TTC3: variants seen among roughly 807,000 people sequenced by gnomAD.
TTC3 encodes the protein tetratricopeptide repeat domain 3, also known as E3 ubiquitin-protein ligase TTC3.
In TTC3, 180 loss-of-function variants were observed where a neutral mutation model predicts 249.6. That is an observed-to-expected ratio of 0.72 (90% CI 0.64 to 0.82). The LOEUF is 0.82. Ranked by LOEUF, TTC3 falls within the 40% of genes least tolerant of loss-of-function variation. The probability of loss-of-function intolerance (pLI) is 0.00; values close to 1 mark genes in which losing one functional copy is unlikely to be tolerated. For missense variants in TTC3, 2,061 were observed against 2,398.4 expected, an observed-to-expected ratio of 0.86 and a Z score of 2.94; for synonymous variants, 717 against 805.0, an observed-to-expected ratio of 0.89 and a Z score of 1.85.
intron 1 of TTC3, among the ~76,000 whole-genome samples, chr21:37,081,323 G>A (rs1468109601): frequency 6.6e-6 from 1 of 151,836 alleles, no homozygotes; most frequent in Non-Finnish European, 1.5e-5. Context: ...TCACCATGTT[G>A]GCCAGGATGG....
intron 1 of TTC3, among the ~76,000 whole-genome samples, chr21:37,078,017 G>A (rs61701101): frequency 0.46 from 69,323 of 151,908 alleles, 16,336 homozygotes; most frequent in Non-Finnish European, 0.52. Flanking sequence ...TGATTTTTGT[G>A]TATGTTCTGA....
In TTC3 at chr21:37,132,691, A is replaced by G. The variant is rs745446912; in HGVS notation, c.1368A>G (p.Ser456=). The change falls in exon 17 of 46, where the codon TCA becomes TCG. Residue 456 remains serine, a synonymous_variant. Transcript: ENST00000355666. ...GCTTTTTTTCTTTTAGTTCTAGTTC[A>G]CCATTGACTTTACCAGCAGATTTGA... 10 of 1,598,636 alleles carry G rather than the reference A, an allele frequency of 6.3e-6. No homozygotes were observed. The Admixed American group carries it at 1.7e-4, about 28-fold the overall frequency.
chr21:37,139,378 T>C (rs1005140313), intron 19 of TTC3, among the ~76,000 whole-genome samples: 7 of 152,192 alleles, frequency 4.6e-5, no homozygotes, highest in Non-Finnish European at 4.4e-5. Flanking sequence ...TCTCCTGGAA[T>C]GTTTACCTAC....
intron 26 of TTC3, 60 bp from the exon 27 acceptor site, chr21:37,152,891 A>G (rs923448651): frequency 4.3e-5 from 57 of 1,331,650 alleles, no homozygotes; most frequent in Non-Finnish European, 5.4e-5. Context: ...GTTATTTCTA[A>G]GTTTATGTAA....
At chr21:37,081,809 T>G (rs2071704235) in intron 1 of TTC3, 1 of 152,056 alleles carries the variant, frequency 6.6e-6, no homozygotes, top group Non-Finnish European at 1.5e-5. Context: ...GTGCCTAATA[T>G]CCTCTGTAAC....
rs372658034 is a variant in TTC3 at position 37,090,199 on chromosome 21, T to C, written c.427-34T>C. 14 of 1,534,494 alleles carry C rather than the reference T, an allele frequency of 9.1e-6. No individual in the cohort carries two copies. In the African/African-American group the frequency reaches 1.8e-4, roughly 20 times the overall value. ...GAAAATTCAAGTAGAATTGACTGAA[T>C]AAGGAAAAAATATGTCCTTTTTTTA... On this transcript the variant is annotated intron_variant, in intron 5 of 45. Transcript: ENST00000355666.
chr21:37,100,101 G>A (rs892231962), intron 10 of TTC3, among the ~76,000 whole-genome samples: 2 of 152,126 alleles, frequency 1.3e-5, no homozygotes, highest in Non-Finnish European at 2.9e-5. Flanking sequence ...TTAAACACCC[G>A]GGGAGTGGCT....
intron 39 of TTC3, among the ~76,000 whole-genome samples, chr21:37,189,207 A>G (rs1180515919): frequency 6.6e-6 from 1 of 152,104 alleles, no homozygotes; most frequent in Non-Finnish European, 1.5e-5. Flanking sequence ...ATATTCACAC[A>G]TGTTAATTTT....
intron 36 of TTC3, among the ~76,000 whole-genome samples, chr21:37,184,426 A>T (rs2083038841): frequency 6.6e-6 from 1 of 151,770 alleles, no homozygotes; most frequent in Non-Finnish European, 1.5e-5. Context: ...GTCACAATTT[A>T]AAGATAAGCC....
At chr21:37,088,664 C>T (rs1010197551) in intron 4 of TTC3, 135 bp from the exon 5 acceptor site, 4 of 784,392 alleles carry the variant, frequency 5.1e-6, no homozygotes, top group Non-Finnish European at 7.9e-6. Context: ...TAATAAATAG[C>T]TTAGTTATTG....
At chr21:37,088,735 A>G in intron 4 of TTC3, 64 bp from the exon 5 acceptor site, 1 of 1,445,118 alleles carries the variant, frequency 6.9e-7, no homozygotes, top group Non-Finnish European at 9.5e-7. Flanking sequence ...ATAGCTAAGC[A>G]TAAAGTTCAA....
chr21:37,100,809 T>C (rs910296046), intron 10 of TTC3: 1 of 152,244 alleles, frequency 6.6e-6, no homozygotes, highest in Non-Finnish European at 1.5e-5. Context: ...CGTTTTATTC[T>C]GCTCCTTCTC....
chr21:37,137,728 G>A (rs543734557), intron 18 of TTC3, among the ~76,000 whole-genome samples: 22 of 152,256 alleles, frequency 1.4e-4, no homozygotes, highest in South Asian at 8.3e-4. Flanking sequence ...GTAAAATACT[G>A]TCAAACAGCA....
chr21:37,085,301 T>C (rs1190377855), intron 1 of TTC3, among the ~76,000 whole-genome samples: 11 of 152,230 alleles, frequency 7.2e-5, no homozygotes, highest in Non-Finnish European at 1.5e-4. Flanking sequence ...CTGGTCATTG[T>C]TCACTTTTAG....
chr21:37,156,511 C>T (rs1043279041), intron 27 of TTC3, 144 bp from the exon 28 acceptor site: 9 of 971,626 alleles, frequency 9.3e-6, no homozygotes, highest in Middle Eastern at 3.1e-4. Flanking sequence ...ATAGCTTGAA[C>T]GAATCTGTTC....
intron 7 of TTC3, among the ~76,000 whole-genome samples, chr21:37,092,509 G>T (rs1464374204): frequency 6.6e-6 from 1 of 152,156 alleles, no homozygotes. Context: ...TAATAGCTCT[G>T]CAAGGTGGCT....
intron 33 of TTC3, among the ~76,000 whole-genome samples, chr21:37,167,143 C>G (rs553969164): frequency 2.6e-5 from 4 of 152,228 alleles, no homozygotes; most frequent in Non-Finnish European, 4.4e-5. Flanking sequence ...CCCAGCTTCT[C>G]CTGTCAAACC....
At chr21:37,179,160 G>A (rs568102798) in intron 35 of TTC3, among the ~76,000 whole-genome samples, 1 of 152,194 alleles carries the variant, frequency 6.6e-6, no homozygotes, top group Admixed American at 6.5e-5. Flanking sequence ...GGGGATACAT[G>A]CCTGTAGTTC....
intron 34 of TTC3, 61 bp from the exon 35 acceptor site, chr21:37,172,534 C>A (rs1209342816): frequency 6.6e-7 from 1 of 1,521,566 alleles, no homozygotes; most frequent in African/African-American, 1.4e-5. Context: ...CAGTAAAGAA[C>A]AAGATCATAA....
Sources: allele counts gnomAD v4.1 joint callset (sites outside exome capture counted in the v4.1 genomes callset), GRCh38; gene constraint gnomAD v4.1.1; transcripts MANE v1.5; gene names NCBI Gene and HGNC (gene_info 2026-07-23, HGNC 2026-07-21).